Variants in SCAMP1 observed in about 807,000 individuals in gnomAD.
SCAMP1 encodes secretory carrier membrane protein 1, also known as secretory carrier-associated membrane protein 1.
In SCAMP1, 15 loss-of-function variants were observed where a neutral mutation model predicts 41.8. That is an observed-to-expected ratio of 0.36 (90% CI 0.24 to 0.55). The LOEUF is 0.55. SCAMP1 is among the 20% of genes least tolerant of loss of function. The pLI is 0.86. For synonymous variants in SCAMP1, 135 were observed against 136.8 expected (o/e 0.99, Z 0.09); for missense variants, 341 against 412.6 (o/e 0.83, Z 1.50).
chr5:78,391,996 G>C, intron 2 of SCAMP1, among the ~76,000 whole-genome samples: 1 of 148,286 alleles, frequency 6.7e-6, no homozygotes, highest in Non-Finnish European at 1.5e-5. Context: ...GGGAGACCGT[G>C]GAAAGAGAGG....
chr5:78,410,092 A>C lies in SCAMP1; in HGVS notation c.136-5428A>C, dbSNP rs998711551. 3.3e-5 allele frequency among the ~76,000 whole-genome samples: 5 copies of C among 149,604 alleles called. No homozygotes were observed. In the East Asian group the frequency reaches 9.8e-4, roughly 29 times the overall value. On this transcript the variant is annotated intron_variant, in intron 2 of 8. Transcript: ENST00000621999. ...ACAATATATGTGAGAATTATATCTC[A>C]CTTAAGGTGCCGGGAACTCTTTTTC...
chr5:78,443,599 A>G (rs1354736111), intron 6 of SCAMP1, among the ~76,000 whole-genome samples: 3 of 142,230 alleles, frequency 2.1e-5, no homozygotes, highest in Admixed American at 1.4e-4. Flanking sequence ...GAGAGTTCAG[A>G]GTCTCTTTCA....
chr5:78,431,117 T>A (rs1212607012), intron 6 of SCAMP1, among the ~76,000 whole-genome samples: 1 of 152,008 alleles, frequency 6.6e-6, no homozygotes, highest in Non-Finnish European at 1.5e-5. Flanking sequence ...TATAACAGAT[T>A]GAGTGCAGAT....
At chr5:78,442,097 C>T (rs1028775527) in intron 6 of SCAMP1, among the ~76,000 whole-genome samples, 1 of 152,006 alleles carries the variant, frequency 6.6e-6, no homozygotes, top group Non-Finnish European at 1.5e-5. Flanking sequence ...CTGCTGCACT[C>T]TAGACTGGGT....
At chr5:78,435,283 C>T (rs553252152) in intron 6 of SCAMP1, among the ~76,000 whole-genome samples, 3 of 152,190 alleles carry the variant, frequency 2.0e-5, no homozygotes, top group Admixed American at 1.3e-4. Flanking sequence ...AAGTGCACAA[C>T]GTGCAGGTTT....
chr5:78,423,980 G>A (rs1166679301), intron 6 of SCAMP1, among the ~76,000 whole-genome samples: 1 of 152,022 alleles, frequency 6.6e-6, no homozygotes, highest in Non-Finnish European at 1.5e-5. Flanking sequence ...AGGTAGCTGG[G>A]ATTACAGGCA....
In SCAMP1 at chr5:78,418,896, G is replaced by A. The variant is rs1182395015; in HGVS notation, c.465G>A (p.Leu155=). ...FQKTVKLMYY[L]WMFHAVTLFL... ...AGACAGTAAAGCTTATGTACTACTT[G>A]TGGATGTGTGAGTATACAACAATTT... The change falls in exon 5 of 9, where the codon TTG becomes TTA. Residue 155 remains leucine (L), a synonymous_variant. Transcript: ENST00000621999. 1.3e-6 allele frequency: 2 copies of A among 1,564,910 alleles called. No homozygotes were observed. The highest frequency in any genetic ancestry group is 2.4e-5 in the South Asian group (2 of 81,876).
chr5:78,475,781 C>G lies in SCAMP1; in HGVS notation c.*113C>G, dbSNP rs1230252176. On this transcript the variant is annotated 3_prime_UTR_variant, in exon 9 of 9. Coordinates refer to ENST00000621999, the MANE Select transcript of SCAMP1 (RefSeq NM_004866.6). ...ACAGTACAGACAGCATGGATATTTCCTGTTCACTTGTGCATGGGCTAAAAC... is the reference window on the plus strand; with the variant it reads ...ACAGTACAGACAGCATGGATATTTCGTGTTCACTTGTGCATGGGCTAAAAC... The G allele has an allele frequency of 5.1e-6, 4 of 791,140 alleles. No individual in the cohort carries two copies. The highest frequency in any genetic ancestry group is 4.0e-5 in the Admixed American group (1 of 24,750). 49.0% of individuals were successfully genotyped at this position (791,140 alleles called of 1,614,324 possible).
intron 1 of SCAMP1, among the ~76,000 whole-genome samples, chr5:78,380,021 AAC>A (rs1278834661): frequency 6.6e-6 from 1 of 152,222 alleles, no homozygotes. Flanking sequence ...AAAAAACATA[AAC>A]ACACATTCAT....
At chr5:78,379,299 G>A (rs910293393) in intron 1 of SCAMP1, among the ~76,000 whole-genome samples, 62 of 152,168 alleles carry the variant, frequency 4.1e-4, no homozygotes, top group African/African-American at 1.4e-3. Context: ...CTTAGTAGGC[G>A]TCAATATCAT....
At position 78,404,115 on chromosome 5, in the gene SCAMP1, C is replaced by CAA. The variant is rs34209617; in HGVS notation, c.136-11388_136-11387dup. On this transcript the variant is annotated intron_variant, in intron 2 of 8. Transcript: ENST00000621999. The stretch of plus-strand genomic sequence containing the variant: ...TGAGTGACAAAGTGAGACCCTGTCT[C>CAA]AAAAAAAAAAAAAAAAAAGGGTTTT... Among the ~76,000 whole-genome samples, 3 of 124,538 alleles carry CAA rather than the reference C, an allele frequency of 2.4e-5. 1 individual carries two copies. In the East Asian group the frequency reaches 7.1e-4, roughly 29 times the overall value. The allele number at this position is 124,538 out of a possible 152,430, so 81.7% of individuals were successfully genotyped here. A position where few individuals can be genotyped will look rare whatever the true frequency, so the allele number is the denominator to read the frequency against.
At chr5:78,399,564 A>G (rs184757179) in intron 2 of SCAMP1, among the ~76,000 whole-genome samples, 4 of 152,340 alleles carry the variant, frequency 2.6e-5, no homozygotes, top group Admixed American at 2.6e-4. Context: ...CTGATGACAT[A>G]TGATGTGGAG....
chr5:78,391,932 G>A (rs1751520868), intron 2 of SCAMP1, among the ~76,000 whole-genome samples: 1 of 152,144 alleles, frequency 6.6e-6, no homozygotes, highest in African/African-American at 2.4e-5. Context: ...AGGCAGGGAG[G>A]TTGCAGTGAG....
At chr5:78,416,686 T>G (rs1318563802) in intron 4 of SCAMP1, 37 bp downstream of exon 4, 9 of 1,452,480 alleles carry the variant, frequency 6.2e-6, no homozygotes, top group Non-Finnish European at 8.5e-6. Context: ...AAATAACTTT[T>G]AAATACTTTA....
At chr5:78,369,147 C>T (rs573970908) in intron 1 of SCAMP1, among the ~76,000 whole-genome samples, 2 of 151,410 alleles carry the variant, frequency 1.3e-5, no homozygotes, top group South Asian at 4.2e-4. Flanking sequence ...CTCTCTGTCT[C>T]CAAGGCTGGA....
At chr5:78,462,826 G>A (rs1753650134) in intron 8 of SCAMP1, among the ~76,000 whole-genome samples, 1 of 152,100 alleles carries the variant, frequency 6.6e-6, no homozygotes, top group Admixed American at 6.5e-5. Flanking sequence ...TTGGATATAT[G>A]TAATTTTGAT....
chr5:78,393,901 A>T (rs1751580601), intron 2 of SCAMP1, among the ~76,000 whole-genome samples: 1 of 151,920 alleles, frequency 6.6e-6, no homozygotes, highest in Non-Finnish European at 1.5e-5. Context: ...TTTAGACAGA[A>T]TTTTTTTTGG....
At chr5:78,378,585 T>G (rs1475028517) in intron 1 of SCAMP1, among the ~76,000 whole-genome samples, 1 of 152,228 alleles carries the variant, frequency 6.6e-6, no homozygotes, top group Non-Finnish European at 1.5e-5. Context: ...AAACATTTGT[T>G]TTCATATCCA....
In SCAMP1 at chr5:78,408,552, T is replaced by A. The variant is rs537838450; in HGVS notation, c.136-6968T>A. On this transcript the variant is annotated intron_variant, in intron 2 of 8. Transcript: ENST00000621999. The stretch of plus-strand genomic sequence containing the variant: ...TGGATTATCTTGTCCATGTGGGTAG[T>A]GGAATTCTGACCTGAGATCTGCAAG... 5.3e-5 allele frequency among the ~76,000 whole-genome samples: 8 copies of A among 152,282 alleles called. No individual in the cohort carries two copies. In the South Asian group the frequency reaches 1.7e-3, roughly 32 times the overall value.
Sources: gnomAD v4.1 joint callset for allele counts (sites outside exome capture counted in the v4.1 genomes callset) on GRCh38, gnomAD v4.1.1 for gene constraint, MANE v1.5 for transcripts, NCBI Gene and HGNC (gene_info 2026-07-23, HGNC 2026-07-21) for gene names.